Variants in CAMKK2 observed in about 807,000 individuals in gnomAD.
CAMKK2 encodes calcium/calmodulin dependent protein kinase kinase 2.
Under a neutral mutation model 67.2 loss-of-function variants are expected in CAMKK2, and 30 were observed. The observed-to-expected ratio is 0.45, with a 90% confidence interval of 0.33 to 0.61. The LOEUF is 0.61. Ranked by LOEUF, CAMKK2 falls within the 20% of genes least tolerant of loss-of-function variation. CAMKK2 has a pLI of 0.02. For synonymous variants in CAMKK2, 322 were observed against 326.2 expected (o/e 0.99, Z 0.14); for missense variants, 643 against 802.0 (o/e 0.80, Z 2.39).
At chr12:121,264,462 C>A (rs1894102271) in intron 5 of CAMKK2, among the ~76,000 whole-genome samples, 1 of 152,046 alleles carries the variant, frequency 6.6e-6, no homozygotes, top group African/African-American at 2.4e-5. Flanking sequence ...CACGGCGAAA[C>A]CCTGACTCTA....
intron 1 of CAMKK2, among the ~76,000 whole-genome samples, chr12:121,275,932 C>T (rs1289678932): frequency 1.3e-5 from 2 of 152,032 alleles, no homozygotes; most frequent in African/African-American, 4.8e-5. Flanking sequence ...GAGGACAGGG[C>T]GGGTGGATCA....
Position 121,249,948 on chromosome 12 carries a change from G to A in CAMKK2, c.1235+13C>T, listed in dbSNP as rs199795303. ...TCGGACAGGAGAGATGCGGGACGGC[G>A]GGAGATACTCACTGGTCTGGAAATT... On this transcript the variant is annotated intron_variant, in intron 12 of 16. Transcript: ENST00000404169. 2.7e-5 allele frequency: 44 copies of A among 1,613,680 alleles called. No homozygotes were observed. Among genetic ancestry groups the A allele is most frequent in the Middle Eastern group, 3.3e-4 (2 of 6,060 alleles).
At position 121,245,770 on chromosome 12, in the gene CAMKK2, A is replaced by G. The variant is rs1292789803; in HGVS notation, c.1453-530T>C. On this transcript the variant is annotated intron_variant, in intron 14 of 16. Transcript: ENST00000404169. This position sits in a 1 kb window ranked among gnomAD's most constrained non-coding sequence, Gnocchi z 5.8. The stretch of plus-strand genomic sequence containing the variant: ...CCCCTTCAAGCTGTTTTGGGAATTC[A>G]CAGAGCTTCTGACTTTTTAAGCATT... 6.6e-6 allele frequency among the ~76,000 whole-genome samples: 1 copy of G among 152,252 alleles called. No individual in the cohort carries two copies. Among genetic ancestry groups the G allele is most frequent in the African/African-American group, 2.4e-5 (1 of 41,468 alleles).
intron 16 of CAMKK2, among the ~76,000 whole-genome samples, chr12:121,242,351 A>AAAAGAAAG (rs368398056): frequency 6.6e-6 from 1 of 151,430 alleles, no homozygotes; most frequent in African/African-American, 2.4e-5. Flanking sequence ...TCAAAAAAAA[A>AAAAGAAAG]AAAGAAAGAA....
chr12:121,252,586 G>T, intron 11 of CAMKK2, 75 bp downstream of exon 11: 1 of 1,370,346 alleles, frequency 7.3e-7, no homozygotes, highest in Non-Finnish European at 1.0e-6. Context: ...AGTAAGTACT[G>T]TCTCCCCGCA....
At chr12:121,251,907 C>G (rs1890814937) in intron 11 of CAMKK2, among the ~76,000 whole-genome samples, 1 of 151,552 alleles carries the variant, frequency 6.6e-6, no homozygotes, top group Non-Finnish European at 1.5e-5. Context: ...AAAGCCCAAA[C>G]AGCACTCCCT....
chr12:121,238,880 T>G lies in CAMKK2; in HGVS notation c.*1819A>C, dbSNP rs2136106909. 1 of 152,440 alleles carries G rather than the reference T, an allele frequency of 6.6e-6. No individual in the cohort carries two copies. The highest frequency in any genetic ancestry group is 2.4e-5 in the African/African-American group (1 of 41,442). 9.4% of individuals were successfully genotyped at this position (152,440 alleles called of 1,614,324 possible). On this transcript the variant is annotated 3_prime_UTR_variant, in exon 17 of 17. Coordinates refer to ENST00000404169, the MANE Select transcript of CAMKK2 (RefSeq NM_001270485.2). ...AAGCCCCATCTGGTGCCAGAAGGGG[T>G]GGAGCTATTGAGTCCTCTCCCCATA...
At chr12:121,294,769 C>T (rs1355219736) in intron 1 of CAMKK2, among the ~76,000 whole-genome samples, 3 of 152,180 alleles carry the variant, frequency 2.0e-5, no homozygotes, top group South Asian at 2.1e-4. Context: ...AAATTCCCTA[C>T]GTTGTAGGAT....
At chr12:121,248,459 C>T in intron 14 of CAMKK2, 147 bp downstream of exon 14, 1 of 856,148 alleles carries the variant, frequency 1.2e-6, no homozygotes, top group Non-Finnish European at 1.8e-6. Flanking sequence ...TGATACATGA[C>T]CAAGGCCCAG....
At position 121,245,483 on chromosome 12, in the gene CAMKK2, C is replaced by A. The variant is rs1214426706; in HGVS notation, c.1453-243G>T. ...GCCACTGCTCAGCGTCTCTCCCAGG[C>A]CTCCCTGCTTTCCACCTCCCTCCCT... On this transcript the variant is annotated intron_variant, in intron 14 of 16. Coordinates refer to ENST00000404169, the MANE Select transcript of CAMKK2 (RefSeq NM_001270485.2). This position sits in a 1 kb window ranked among gnomAD's most constrained non-coding sequence, Gnocchi z 5.8. Among the ~76,000 whole-genome samples, 1 of 152,178 alleles carries A rather than the reference C, an allele frequency of 6.6e-6. No individual in the cohort carries two copies. Among genetic ancestry groups the A allele is most frequent in the African/African-American group, 2.4e-5 (1 of 41,432 alleles).
At chr12:121,249,753 T>G in intron 13 of CAMKK2, 34 bp downstream of exon 13, 18 of 1,586,196 alleles carry the variant, frequency 1.1e-5, no homozygotes, top group Non-Finnish European at 1.6e-5. Flanking sequence ...GCCAAACAAT[T>G]CCGAGCACGG....
chr12:121,280,753 C>T (rs960010383), intron 1 of CAMKK2, among the ~76,000 whole-genome samples: 2 of 152,146 alleles, frequency 1.3e-5, no homozygotes, highest in African/African-American at 4.8e-5. Flanking sequence ...TCTCCCATAG[C>T]GCTCCCAGGC....
chr12:121,240,973 C>A lies in CAMKK2; in HGVS notation c.1597-104G>T. On this transcript the variant is annotated intron_variant, in intron 16 of 16. Coordinates refer to ENST00000404169, the MANE Select transcript of CAMKK2 (RefSeq NM_001270485.2). The surrounding 1 kb of genome is among the most constrained non-coding windows in gnomAD (Gnocchi z 4.4). ...GGCCCCCTGCCCAAGTGGGCCGTCG[C>A]GCACCCCCTGGAACGTGATCTACGT... The A allele has an allele frequency of 8.9e-7, 1 of 1,127,408 alleles. No individual in the cohort carries two copies. Among genetic ancestry groups the A allele is most frequent in the South Asian group, 1.4e-5 (1 of 72,112 alleles). The allele number at this position is 1,127,408 out of a possible 1,614,324, so 69.8% of individuals were successfully genotyped here. A position where few individuals can be genotyped will look rare whatever the true frequency, so the allele number is the denominator to read the frequency against.
rs746435585 is a variant in CAMKK2, at chr12:121,274,328, C to T, written c.199G>A (p.Gly67Ser). The T allele has an allele frequency of 5.6e-6, 9 of 1,613,390 alleles. No homozygotes were observed. The highest frequency in any genetic ancestry group is 4.0e-5 in the African/African-American group (3 of 75,044). The change falls in exon 2 of 17, where the codon GGC (glycine) becomes AGC (serine). Residue 67 changes from glycine (G) to serine (S), a missense_variant. Gly to Ser is a moderately conservative substitution (Grantham distance 56). Transcript: ENST00000404169. Reference protein sequence around the residue: ...ECEPGCAVDLGLARDRPLEAD... With the variant: ...ECEPGCAVDLSLARDRPLEAD... ...TCCAGGGGCCGGTCCCGCGCCAAGC[C>T]GAGGTCCACAGCACAGCCCGGCTCA...
chr12:121,278,188 A>G (rs59056867), intron 1 of CAMKK2, among the ~76,000 whole-genome samples: 10,707 of 151,952 alleles, frequency 0.07, 389 homozygotes, highest in Middle Eastern at 0.12. Flanking sequence ...TTCCCCATCA[A>G]TGAGAGAATA....
chr12:121,263,965 G>A (rs774213396), intron 5 of CAMKK2, 26 bp from the exon 6 acceptor site: 1 of 1,560,176 alleles, frequency 6.4e-7, no homozygotes, highest in Non-Finnish European at 8.7e-7. Flanking sequence ...ACAGACCCAG[G>A]GTCAGGGCAA....
In CAMKK2 at chr12:121,255,280, A is replaced by T. The variant is rs71444533; in HGVS notation, c.907+270T>A. Among the ~76,000 whole-genome samples, 24 of 58,952 alleles carry T rather than the reference A, an allele frequency of 4.1e-4. 1 individual carries two copies. The highest frequency in any genetic ancestry group is 1.6e-3 in the African/African-American group (17 of 10,702). 38.7% of individuals were successfully genotyped at this position (58,952 alleles called of 152,430 possible). ...TATATAATTTTATATATATATAATT[A>T]TATATATAATTATATATATAATTTT... On this transcript the variant is annotated intron_variant, in intron 9 of 16. Transcript: ENST00000404169.
rs1302523077 is a variant in CAMKK2 at position 121,240,570 on chromosome 12, T to C, written c.*129A>G. The C allele has an allele frequency of 2.0e-6, 3 of 1,518,524 alleles. No homozygotes were observed. The highest frequency in any genetic ancestry group is 1.5e-5 in the African/African-American group (1 of 68,278). The allele number at this position is 1,518,524 out of a possible 1,614,324, so 94.1% of individuals were successfully genotyped here. On this transcript the variant is annotated 3_prime_UTR_variant, in exon 17 of 17. Transcript: ENST00000404169. This position sits in a 1 kb window ranked among gnomAD's most constrained non-coding sequence, Gnocchi z 4.4. The stretch of plus-strand genomic sequence containing the variant: ...TTAAAACAACAAAGGAAAAAACAAA[T>C]AACCAGAGATGACGATCGAGGCTCT...
rs1451688314 is a variant in CAMKK2 at position 121,253,764 on chromosome 12, T to G, written c.908-292A>C. Among the ~76,000 whole-genome samples the G allele has an allele frequency of 1.3e-5, 2 of 152,218 alleles. No homozygotes were observed. The highest frequency in any genetic ancestry group is 2.4e-5 in the African/African-American group (1 of 41,448). ...GCAATTCGTAATCGCCTGTTATTTA[T>G]TAAGTCACAAGTGACAGTGCATGGA... On this transcript the variant is annotated intron_variant, in intron 9 of 16. Transcript: ENST00000404169. The surrounding 1 kb of genome is among the most constrained non-coding windows in gnomAD (Gnocchi z 5.0).
Sources: gnomAD v4.1 joint callset for allele counts (sites outside exome capture counted in the v4.1 genomes callset) on GRCh38, gnomAD v4.1.1 for gene constraint, Gnocchi (gnomAD v3.1) non-coding constraint, MANE v1.5 for transcripts, NCBI Gene and HGNC (gene_info 2026-07-23, HGNC 2026-07-21) for gene names.